The following BBS9 variants were observed in gnomAD, a reference collection of about 807,000 sequenced individuals.
BBS9 encodes the protein Bardet-Biedl syndrome 9, also known as protein PTHB1.
Under a neutral mutation model 117.7 loss-of-function variants are expected in BBS9, and 89 were observed. That is an observed-to-expected ratio of 0.76 (90% CI 0.64 to 0.90). BBS9 has a LOEUF of 0.90. BBS9 is among the 40% of genes least tolerant of loss of function. BBS9 has a pLI of 0.00. For missense variants in BBS9, 982 were observed against 1,042.2 expected (o/e 0.94, Z 0.80); for synonymous variants, 379 against 370.9 (o/e 1.02, Z -0.25).
intron 19 of BBS9, among the ~76,000 whole-genome samples, chr7:33,438,011 G>A (rs892936512): frequency 2.6e-5 from 4 of 152,126 alleles, no homozygotes; most frequent in African/African-American, 7.2e-5. Flanking sequence ...GCTCTCTTTC[G>A]TAATTCTAAC....
intron 19 of BBS9, among the ~76,000 whole-genome samples, chr7:33,390,965 AT>A (rs1826971954): frequency 6.6e-6 from 1 of 152,140 alleles, no homozygotes; most frequent in Non-Finnish European, 1.5e-5. Context: ...GTACTTCTCT[AT>A]TTGTAATGGT....
intron 5 of BBS9, among the ~76,000 whole-genome samples, chr7:33,200,919 T>C (rs1317666826): frequency 6.6e-6 from 1 of 152,190 alleles, no homozygotes; most frequent in African/African-American, 2.4e-5. Context: ...TCAATTTCTA[T>C]TTGACAGCCA....
intron 21 of BBS9, among the ~76,000 whole-genome samples, chr7:33,582,666 A>G (rs1051649727): frequency 6.6e-6 from 1 of 152,042 alleles, no homozygotes; most frequent in African/African-American, 2.4e-5. Flanking sequence ...CATTTTATTC[A>G]ATTCAGTAAA....
In BBS9 at chr7:33,389,687, T is replaced by TAAAAAA. The variant is rs5883400; in HGVS notation, c.2115+1566_2115+1571dup. Among the ~76,000 whole-genome samples, 793 of 91,916 alleles carry TAAAAAA rather than the reference T, an allele frequency of 8.6e-3. 26 individuals are homozygous for TAAAAAA. The highest frequency in any genetic ancestry group is 0.014 in the African/African-American group (308 of 22,004). The allele number at this position is 91,916 out of a possible 152,430, so 60.3% of individuals were successfully genotyped here. A position where few individuals can be genotyped will look rare whatever the true frequency, so the allele number is the denominator to read the frequency against. ...CTGGGTGACAGAGCAAGACTCCATC[T>TAAAAAA]AAAAAAAAAAAAAAAAAAAAAAAAA... On this transcript the variant is annotated intron_variant, in intron 19 of 22. Transcript: ENST00000242067.
At chr7:33,561,109 T>C (rs1390522211) in intron 21 of BBS9, among the ~76,000 whole-genome samples, 1 of 152,200 alleles carries the variant, frequency 6.6e-6, no homozygotes, top group East Asian at 1.9e-4. Context: ...AGTCTGTCGT[T>C]TAATCCTGCA....
At chr7:33,408,564 C>G (rs890696131) in intron 19 of BBS9, among the ~76,000 whole-genome samples, 3 of 152,210 alleles carry the variant, frequency 2.0e-5, no homozygotes, top group African/African-American at 7.2e-5. Flanking sequence ...GGAGCTGTTC[C>G]TATTCGGCCA....
At chr7:33,204,882 C>G (rs1388145394) in intron 5 of BBS9, among the ~76,000 whole-genome samples, 1 of 152,210 alleles carries the variant, frequency 6.6e-6, no homozygotes, top group Non-Finnish European at 1.5e-5. Flanking sequence ...CTCTCCACTA[C>G]TCATTTCATG....
chr7:33,600,298 T>C (rs917337652), intron 21 of BBS9, among the ~76,000 whole-genome samples: 7 of 152,210 alleles, frequency 4.6e-5, no homozygotes, highest in African/African-American at 1.7e-4. Context: ...AGGTGAAAGC[T>C]GATGTCTTAT....
Position 33,601,473 on chromosome 7 carries a change from A to G in BBS9, c.2522-3392A>G, listed in dbSNP as rs113204794. ...AGTTTGTTTGGAAGTTTTATATTTTATCTATATTCTTTTGTTTGCTTAACC... is the reference window on the plus strand; with the variant it reads ...AGTTTGTTTGGAAGTTTTATATTTTGTCTATATTCTTTTGTTTGCTTAACC... On this transcript the variant is annotated intron_variant, in intron 21 of 22. Transcript: ENST00000242067. 5.2e-3 allele frequency among the ~76,000 whole-genome samples: 798 copies of G among 152,150 alleles called. 7 individuals are homozygous for G. Among genetic ancestry groups the G allele is most frequent in the African/African-American group, 0.019 (778 of 41,494 alleles).
At chr7:33,541,802 G>A (rs1489962119) in intron 21 of BBS9, among the ~76,000 whole-genome samples, 2 of 152,166 alleles carry the variant, frequency 1.3e-5, no homozygotes, top group East Asian at 3.9e-4. Context: ...AGGAGTAGGG[G>A]AATGAGAAGT....
intron 21 of BBS9, among the ~76,000 whole-genome samples, chr7:33,596,985 C>A (rs1361199260): frequency 6.6e-6 from 1 of 151,814 alleles, no homozygotes; most frequent in Non-Finnish European, 1.5e-5. Context: ...GGAAAACTAA[C>A]AGAGTAGAGA....
chr7:33,506,841 G>A (rs1846216204), intron 20 of BBS9, among the ~76,000 whole-genome samples: 2 of 152,166 alleles, frequency 1.3e-5, no homozygotes, highest in South Asian at 4.1e-4. Flanking sequence ...TGACAAAATT[G>A]CGACTAAAAT....
chr7:33,277,633 T>A (rs745625077), intron 9 of BBS9, among the ~76,000 whole-genome samples: 3 of 152,154 alleles, frequency 2.0e-5, no homozygotes, highest in Non-Finnish European at 4.4e-5. Flanking sequence ...TCAAAAGTTC[T>A]TTGGGGGAAG....
chr7:33,624,003 A>T (rs565602038), intron 21 of BBS9, among the ~76,000 whole-genome samples: 1 of 151,490 alleles, frequency 6.6e-6, no homozygotes, highest in Non-Finnish European at 1.5e-5. Context: ...AAAAAATCAT[A>T]TAAGTCTTAC....
intron 9 of BBS9, among the ~76,000 whole-genome samples, chr7:33,311,317 C>T (rs1809175126): frequency 6.6e-6 from 1 of 151,984 alleles, no homozygotes; most frequent in Non-Finnish European, 1.5e-5. Flanking sequence ...AAACAGGAAA[C>T]CATTGGAGGT....
intron 17 of BBS9, among the ~76,000 whole-genome samples, chr7:33,374,224 A>G (rs530442689): frequency 6.6e-6 from 1 of 152,300 alleles, no homozygotes; most frequent in Non-Finnish European, 1.5e-5. Flanking sequence ...AGTGGAGGTC[A>G]TTCTAGGAAG....
chr7:33,519,580 C>CTT (rs11442340), intron 20 of BBS9, among the ~76,000 whole-genome samples: 3,399 of 151,180 alleles, frequency 0.022, 55 homozygotes, highest in East Asian at 0.057. Flanking sequence ...GAGCATTGTG[C>CTT]TTTTTTTTTA....
intron 19 of BBS9, among the ~76,000 whole-genome samples, chr7:33,472,097 G>A (rs1037910460): frequency 6.6e-6 from 1 of 152,196 alleles, no homozygotes; most frequent in African/African-American, 2.4e-5. Flanking sequence ...CTTTCTGTAG[G>A]CTCTGACTGA....
intron 5 of BBS9, among the ~76,000 whole-genome samples, chr7:33,178,523 A>C (rs1373917479): frequency 9.2e-5 from 14 of 152,092 alleles, no homozygotes; most frequent in Admixed American, 9.2e-4. Flanking sequence ...AGGGTAGTAG[A>C]GGAGCTGGTG....
Sources: allele counts gnomAD v4.1 joint callset (sites outside exome capture counted in the v4.1 genomes callset), GRCh38; gene constraint gnomAD v4.1.1; transcripts MANE v1.5; gene names NCBI Gene and HGNC (gene_info 2026-07-23, HGNC 2026-07-21).